The following ZNF287 variants were observed in gnomAD, a reference collection of about 807,000 sequenced individuals.
The protein encoded by ZNF287 is zinc finger protein with KRAB and SCAN domains 13.
In ZNF287, 31 loss-of-function variants were observed where a neutral mutation model predicts 73.7. The observed-to-expected ratio is 0.42, with a 90% CI of 0.32 to 0.57. The LOEUF (loss-of-function observed/expected upper bound fraction) is 0.57. ZNF287 is among the 20% of genes least tolerant of loss of function. ZNF287 has a pLI of 0.13. For missense variants in ZNF287, 641 were observed against 909.3 expected (o/e 0.70, Z 3.79); for synonymous variants, 301 against 307.2 (o/e 0.98, Z 0.21).
At position 16,549,458 on chromosome 17, in the gene ZNF287, A is replaced by G. The variant is rs756069049; in HGVS notation, c.*2398T>C. On this transcript the variant is annotated 3_prime_UTR_variant, in exon 6 of 6. Coordinates refer to ENST00000395825, the MANE Select transcript of ZNF287 (RefSeq NM_020653.4). Reference sequence around the variant, plus strand: ...ATAAGTGCTGTGTGAGGGATGAAGCAGCATCAAAAAAATAAGATTTTCAAA... The same window carrying G: ...ATAAGTGCTGTGTGAGGGATGAAGCGGCATCAAAAAAATAAGATTTTCAAA... 1.8e-4 allele frequency among the ~76,000 whole-genome samples: 27 copies of G among 152,220 alleles called. No individual in the cohort carries two copies. The highest frequency in any genetic ancestry group is 3.8e-4 in the Non-Finnish European group (26 of 68,034).
intron 5 of ZNF287, among the ~76,000 whole-genome samples, chr17:16,556,917 G>A (rs1433787494): frequency 2.6e-5 from 4 of 151,760 alleles, no homozygotes; most frequent in South Asian, 4.2e-4. Flanking sequence ...GCGCGATCTC[G>A]GCTCACCACA....
intron 3 of ZNF287, among the ~76,000 whole-genome samples, chr17:16,564,759 ATTATC>A (rs1278041952): frequency 1.3e-5 from 2 of 152,046 alleles, no homozygotes; most frequent in Admixed American, 1.3e-4. Flanking sequence ...AAAATATAGT[ATTATC>A]TTACATGTTT....
At chr17:16,556,241 T>G (rs1383136055) in intron 5 of ZNF287, among the ~76,000 whole-genome samples, 1 of 151,812 alleles carries the variant, frequency 6.6e-6, no homozygotes, top group Non-Finnish European at 1.5e-5. Flanking sequence ...AGAGGGACAC[T>G]TAATATTTGC....
Position 16,552,544 on chromosome 17 carries a change from T to G in ZNF287, c.1598A>C (p.Lys533Thr). 1 of 1,614,176 alleles carries G rather than the reference T, an allele frequency of 6.2e-7. No homozygotes were observed. Among genetic ancestry groups the G allele is most frequent in the Non-Finnish European group, 8.5e-7 (1 of 1,180,004 alleles). ...ACATTCATTGCATTTATATGGTTTC[T>G]TCCCAGTATGTATTTTTTGATGCTG... ...LLQHQKIHTGKKPYKCNECWK... is the reference protein window; with the variant it reads ...LLQHQKIHTGTKPYKCNECWK... The change falls in exon 6 of 6, where the codon AAG becomes ACG. Residue 533 changes from lysine (K) to threonine (T), a missense_variant. Transcript: ENST00000395825. The surrounding 1 kb of genome is among the most constrained non-coding windows in gnomAD (Gnocchi z 6.5).
Position 16,549,487 on chromosome 17 carries a change from C to T in ZNF287, c.*2369G>A, listed in dbSNP as rs779866032. Among the ~76,000 whole-genome samples the T allele has an allele frequency of 1.6e-4, 25 of 152,166 alleles. No individual in the cohort carries two copies. Among genetic ancestry groups the T allele is most frequent in the Non-Finnish European group, 2.6e-4 (18 of 68,034 alleles). The stretch of plus-strand genomic sequence containing the variant: ...TCAAAAAAATAAGATTTTCAAACAA[C>T]TGTTATTTTAAAAAACAGCTATATA... On this transcript the variant is annotated 3_prime_UTR_variant, in exon 6 of 6. Transcript: ENST00000395825.
chr17:16,556,165 GACACACACACACAC>G (rs137989045), intron 5 of ZNF287, among the ~76,000 whole-genome samples: 14 of 144,234 alleles, frequency 9.7e-5, no homozygotes, highest in Non-Finnish European at 1.5e-4. Context: ...GACAGACACA[GACACACACACACAC>G]ACACACACAC....
Position 16,552,895 on chromosome 17 carries a change from C to T in ZNF287, c.1247G>A (p.Arg416Lys). The T allele has an allele frequency of 6.2e-7, 1 of 1,614,174 alleles. No individual in the cohort carries two copies. The highest frequency in any genetic ancestry group is 8.5e-7 in the Non-Finnish European group (1 of 1,180,030). The part of the protein sequence containing the change: ...RHISSLIAHQ[R>K]MHTGEKPYEC... ...ATATGGTTTTTCTCCAGTGTGCATT[C>T]TCTGATGTGCAATAAGGGATGAGAT... Residue 416 changes from arginine (R) to lysine (K), a missense_variant, in exon 6 of 6, where the codon AGA (arginine) becomes AAA (lysine). Around this residue, in one of 2 missense-constraint regions of ZNF287, gnomAD observed 284 missense variants for 466.8 expected, o/e 0.61. Transcript: ENST00000395825. The surrounding 1 kb of genome is among the most constrained non-coding windows in gnomAD (Gnocchi z 6.5).
At chr17:16,554,461 G>T (rs763957127) in intron 5 of ZNF287, among the ~76,000 whole-genome samples, 4 of 152,084 alleles carry the variant, frequency 2.6e-5, no homozygotes, top group Non-Finnish European at 5.9e-5. Flanking sequence ...GATATGAGCC[G>T]CCACACCTGG....
At chr17:16,556,926 C>T (rs1907116028) in intron 5 of ZNF287, among the ~76,000 whole-genome samples, 1 of 152,004 alleles carries the variant, frequency 6.6e-6, no homozygotes, top group South Asian at 2.1e-4. Context: ...CGGCTCACCA[C>T]AACGTCTGCC....
In ZNF287 at chr17:16,556,029, G is replaced by A. The variant is rs181352797; in HGVS notation, c.716-2603C>T. ...ATAGAATAAGGGATAACAGAATATTGATAACTGATAGGTAGGTCTAGTTTA... is the reference window on the plus strand; with the variant it reads ...ATAGAATAAGGGATAACAGAATATTAATAACTGATAGGTAGGTCTAGTTTA... On this transcript the variant is annotated intron_variant, in intron 5 of 5. Transcript: ENST00000395825. Among the ~76,000 whole-genome samples the A allele has an allele frequency of 6.0e-3, 889 of 148,864 alleles. 10 individuals carry two copies. Among genetic ancestry groups the A allele is most frequent in the African/African-American group, 0.022 (844 of 38,326 alleles).
chr17:16,551,961 T>C lies in ZNF287; in HGVS notation c.2181A>G (p.Thr727=). 1 of 1,614,136 alleles carries C rather than the reference T, an allele frequency of 6.2e-7. No individual in the cohort carries two copies. The highest frequency in any genetic ancestry group is 1.3e-5 in the African/African-American group (1 of 75,046). The change falls in exon 6 of 6, where the codon ACA becomes ACG. Residue 727 remains threonine, a synonymous_variant. Transcript: ENST00000395825. ...TCLIQHQRIH[T]GEKPYACRIC... ...TACGACATGCATAGGGTTTCTCTCC[T>C]GTGTGAATTCTCTGGTGTTGAATAA...
Position 16,567,594 on chromosome 17 carries a change from C to T in ZNF287, c.138G>A (p.Glu46=). 4 of 1,614,194 alleles carry T rather than the reference C, an allele frequency of 2.5e-6. No individual in the cohort carries two copies. The highest frequency in any genetic ancestry group is 1.6e-4 in the Middle Eastern group (1 of 6,062). The change falls in exon 2 of 6, where the codon GAG becomes GAA. Residue 46 remains glutamate (E), a synonymous_variant. Coordinates refer to ENST00000395825, the MANE Select transcript of ZNF287 (RefSeq NM_020653.4). ...ILTSRFLRDT[E]TCRQNFRNFP... ...AATTCCTAAAATTCTGTCGACAGGT[C>T]TCAGTGTCACGCAAGAATCTTGAAG...
chr17:16,559,833 C>A (rs1056567601), intron 5 of ZNF287, among the ~76,000 whole-genome samples: 1 of 152,196 alleles, frequency 6.6e-6, no homozygotes, highest in African/African-American at 2.4e-5. Context: ...AGATGCTGGA[C>A]TTTTGTTTGA....
At chr17:16,563,928 A>G in intron 3 of ZNF287, 103 bp from the exon 4 acceptor site, 1 of 1,377,478 alleles carries the variant, frequency 7.3e-7, no homozygotes, top group Non-Finnish European at 9.8e-7. Flanking sequence ...CAGAATTTTA[A>G]GCTTTAGTAG....
chr17:16,547,090 A>G lies in ZNF287; in HGVS notation c.*4766T>C, dbSNP rs531098392. 9.2e-5 allele frequency among the ~76,000 whole-genome samples: 14 copies of G among 152,274 alleles called. No homozygotes were observed. Among genetic ancestry groups the G allele is most frequent in the Non-Finnish European group, 2.1e-4 (14 of 68,052 alleles). ...GGGCACATGCAAGTGAACTGACACC[A>G]GAAGACAAAGAATGAAACATAACAG... On this transcript the variant is annotated 3_prime_UTR_variant, in exon 6 of 6. Transcript: ENST00000395825.
chr17:16,560,249 A>G (rs897621032), intron 5 of ZNF287, among the ~76,000 whole-genome samples: 1 of 151,012 alleles, frequency 6.6e-6, no homozygotes. Context: ...GGAGTAAGCC[A>G]CCATGCCTGG....
chr17:16,566,910 G>A (rs1461437586), intron 2 of ZNF287, among the ~76,000 whole-genome samples: 1 of 152,044 alleles, frequency 6.6e-6, no homozygotes, highest in Non-Finnish European at 1.5e-5. Flanking sequence ...TCTTAATAAG[G>A]GAATGTTCTC....
chr17:16,554,654 T>A (rs1268671556), intron 5 of ZNF287, among the ~76,000 whole-genome samples: 1 of 152,214 alleles, frequency 6.6e-6, no homozygotes, highest in Non-Finnish European at 1.5e-5. Context: ...CTCTGTGGCT[T>A]ACTCCTGTAA....
At position 16,556,165 on chromosome 17, in the gene ZNF287, G is replaced by GACACACAC. The variant is rs137989045; in HGVS notation, c.716-2747_716-2740dup. Among the ~76,000 whole-genome samples, 495 of 144,304 alleles carry GACACACAC rather than the reference G, an allele frequency of 3.4e-3. 4 individuals are homozygous for GACACACAC. The highest frequency in any genetic ancestry group is 0.012 in the African/African-American group (467 of 39,744). The allele number at this position is 144,304 out of a possible 152,430, so 94.7% of individuals were successfully genotyped here. On this transcript the variant is annotated intron_variant, in intron 5 of 5. Coordinates refer to ENST00000395825, the MANE Select transcript of ZNF287 (RefSeq NM_020653.4). Reference sequence around the variant, plus strand: ...GCTATTTGTGTTACAGACAGACACAGACACACACACACACACACACACACA... The same window carrying GACACACAC: ...GCTATTTGTGTTACAGACAGACACAGACACACACACACACACACACACACACACACACA...
Sources: gnomAD v4.1 joint callset for allele counts (sites outside exome capture counted in the v4.1 genomes callset) on GRCh38, gnomAD v4.1.1 for gene constraint, gnomAD v4.1.1 regional missense constraint, Gnocchi (gnomAD v3.1) non-coding constraint, MANE v1.5 for transcripts, NCBI Gene and HGNC (gene_info 2026-07-23, HGNC 2026-07-21) for gene names.